The following NFASC variants were observed in gnomAD, a reference collection of about 807,000 sequenced individuals.
NFASC encodes the protein neurofascin homolog.
A neutral mutation model predicts 147.5 loss-of-function variants in NFASC; 43 were observed. That is an observed-to-expected ratio of 0.29 (90% CI 0.23 to 0.38). NFASC has a LOEUF of 0.38. NFASC is among the 10% of genes least tolerant of loss of function. NFASC has a pLI of 1.00. For synonymous variants in NFASC, 622 were observed against 665.5 expected, an observed-to-expected ratio of 0.93 and a Z score of 1.01; for missense variants, 1,320 against 1,689.0, an observed-to-expected ratio of 0.78 and a Z score of 3.83.
At chr1:204,894,792 G>A (rs190592592) in intron 1 of NFASC, among the ~76,000 whole-genome samples, 79 of 152,210 alleles carry the variant, frequency 5.2e-4, no homozygotes, top group African/African-American at 1.9e-3. Flanking sequence ...TCTGAGTCAT[G>A]CCTTTCATTA....
Position 204,954,848 on chromosome 1 carries a change from G to T in NFASC, c.432G>T (p.Lys144Asn). ...CTCCAGAATCTCCTCTGTGGCCCAAGGAAAACCTAGACCCTGTCGTGGTCC... is the reference window on the plus strand; with the variant it reads ...CTCCAGAATCTCCTCTGTGGCCCAATGAAAACCTAGACCCTGTCGTGGTCC... ...LQVSKSPLWP[K>N]ENLDPVVVQE... The change falls in exon 7 of 30, where the codon AAG (lysine) becomes AAT (asparagine). Residue 144 changes from lysine to asparagine, a missense_variant. Lys to Asn is a moderately conservative substitution (Grantham distance 94). Coordinates refer to ENST00000339876, the MANE Select transcript of NFASC (RefSeq NM_001005388.3). This position sits in a 1 kb window ranked among gnomAD's most constrained non-coding sequence, Gnocchi z 5.7. The T allele has an allele frequency of 6.2e-7, 1 of 1,614,178 alleles. No individual in the cohort carries two copies.
intron 1 of NFASC, among the ~76,000 whole-genome samples, chr1:204,864,215 A>T (rs2076935995): frequency 6.6e-6 from 1 of 152,192 alleles, no homozygotes; most frequent in Non-Finnish European, 1.5e-5. Flanking sequence ...TTTATTGCTG[A>T]ATAATATTCC....
chr1:204,858,262 G>A (rs2076345459), intron 1 of NFASC, among the ~76,000 whole-genome samples: 1 of 152,022 alleles, frequency 6.6e-6, no homozygotes, highest in Non-Finnish European at 1.5e-5. Context: ...ATTGGATTAA[G>A]GCCTACCCAT....
chr1:204,934,691 C>G (rs1210953259), intron 2 of NFASC, among the ~76,000 whole-genome samples: 1 of 152,188 alleles, frequency 6.6e-6, no homozygotes, highest in African/African-American at 2.4e-5. Flanking sequence ...TCCCAGAGGT[C>G]TCAACAGAAG....
intron 1 of NFASC, among the ~76,000 whole-genome samples, chr1:204,906,743 C>T (rs570282571): frequency 2.4e-4 from 34 of 144,470 alleles, no homozygotes; most frequent in East Asian, 4.0e-4. Context: ...AGTGCAGTGG[C>T]GCGATCTCGG....
At chr1:204,939,440 T>C (rs2093184430) in intron 2 of NFASC, among the ~76,000 whole-genome samples, 1 of 152,158 alleles carries the variant, frequency 6.6e-6, no homozygotes, top group Non-Finnish European at 1.5e-5. Context: ...GCTTTGCCCC[T>C]GTGGAACTAA....
chr1:204,965,314 A>G (rs554053183), intron 8 of NFASC, among the ~76,000 whole-genome samples: 20 of 152,192 alleles, frequency 1.3e-4, no homozygotes, highest in African/African-American at 4.3e-4. Flanking sequence ...TCCTGTCTCT[A>G]CTTCTCCAGG....
intron 1 of NFASC, among the ~76,000 whole-genome samples, chr1:204,830,006 GGTGTGTGTGTGTGTGTGTGTGTGTGT>G (rs58294218): frequency 6.9e-6 from 1 of 144,012 alleles, no homozygotes; most frequent in East Asian, 2.1e-4. Context: ...TTTGGCATGG[GGTGTGTGTGTGTGTGTGTGTGTGTGT>G]GTGTGTGTGT....
At chr1:205,011,766 T>C (rs1436253198) in intron 28 of NFASC, among the ~76,000 whole-genome samples, 1 of 152,190 alleles carries the variant, frequency 6.6e-6, no homozygotes, top group Non-Finnish European at 1.5e-5. Context: ...ATGGGGATGA[T>C]TATCTACCTT....
chr1:205,014,269 A>T (rs2096304714), intron 29 of NFASC, among the ~76,000 whole-genome samples: 1 of 152,004 alleles, frequency 6.6e-6, no homozygotes, highest in South Asian at 2.1e-4. Context: ...GCACAGGAGC[A>T]TGCCTGGGCC....
chr1:205,011,342 G>T (rs543104209), intron 28 of NFASC, among the ~76,000 whole-genome samples: 1 of 152,262 alleles, frequency 6.6e-6, no homozygotes, highest in Non-Finnish European at 1.5e-5. Context: ...GGAAATGATT[G>T]TCCCTTACTG....
At chr1:205,007,522 G>T (rs2096147081) in intron 27 of NFASC, among the ~76,000 whole-genome samples, 1 of 150,930 alleles carries the variant, frequency 6.6e-6, no homozygotes, top group Admixed American at 6.6e-5. Flanking sequence ...AGGAAGGAAG[G>T]ATTAAATAGA....
chr1:204,869,270 G>T (rs905902139), intron 1 of NFASC, among the ~76,000 whole-genome samples: 3 of 152,174 alleles, frequency 2.0e-5, no homozygotes, highest in African/African-American at 7.2e-5. Context: ...CACCCTGTGT[G>T]GGGAAATTAT....
chr1:204,913,268 TAA>T (rs1219190323), intron 1 of NFASC, among the ~76,000 whole-genome samples: 1 of 152,184 alleles, frequency 6.6e-6, no homozygotes, highest in Non-Finnish European at 1.5e-5. Flanking sequence ...ATGTCAATTC[TAA>T]GTTAATTTAT....
chr1:204,936,690 A>T (rs1161877057), intron 2 of NFASC, among the ~76,000 whole-genome samples: 1 of 152,118 alleles, frequency 6.6e-6, no homozygotes, highest in East Asian at 1.9e-4. Flanking sequence ...TGGCCTCCCC[A>T]CTTCCACCCT....
intron 27 of NFASC, among the ~76,000 whole-genome samples, chr1:205,007,495 AGG>A (rs996818820): frequency 4.0e-5 from 6 of 151,068 alleles, no homozygotes; most frequent in African/African-American, 1.5e-4. Flanking sequence ...GAAAAAAGAA[AGG>A]GAGGGAGGGA....
chr1:204,861,655 A>T (rs2076686840), intron 1 of NFASC, among the ~76,000 whole-genome samples: 2 of 151,960 alleles, frequency 1.3e-5, no homozygotes, highest in African/African-American at 4.8e-5. Flanking sequence ...ACGCCCGGCT[A>T]ATTTTTTGTA....
At chr1:204,870,142 A>G (rs2077470805) in intron 1 of NFASC, among the ~76,000 whole-genome samples, 1 of 152,178 alleles carries the variant, frequency 6.6e-6, no homozygotes, top group Non-Finnish European at 1.5e-5. Flanking sequence ...CAATGTGGTG[A>G]GTGGAAATAG....
At chr1:204,891,194 G>A (rs180907756) in intron 1 of NFASC, among the ~76,000 whole-genome samples, 141 of 152,228 alleles carry the variant, frequency 9.3e-4, no homozygotes, top group African/African-American at 3.2e-3. Flanking sequence ...ACTTTATTAG[G>A]GAGTGCAATC....
Sources: gnomAD v4.1 joint callset for allele counts (sites outside exome capture counted in the v4.1 genomes callset) on GRCh38, gnomAD v4.1.1 for gene constraint, Gnocchi (gnomAD v3.1) non-coding constraint, MANE v1.5 for transcripts, NCBI Gene and HGNC (gene_info 2026-07-23, HGNC 2026-07-21) for gene names.